Variants in KCNH8 observed in about 807,000 individuals in gnomAD.
KCNH8 encodes potassium voltage-gated channel subfamily H member 8, also known as voltage-gated delayed rectifier potassium channel KCNH8.
In KCNH8, 70 loss-of-function variants were observed where a neutral mutation model predicts 103.6. The observed-to-expected ratio is 0.68, with a 90% CI of 0.56 to 0.82. The LOEUF is 0.82. Ranked by LOEUF, KCNH8 falls within the 40% of genes least tolerant of loss-of-function variation. KCNH8 has a pLI of 0.00. For synonymous variants in KCNH8, 498 were observed against 489.4 expected (o/e 1.02, Z -0.23); for missense variants, 1,217 against 1,329.9 (o/e 0.92, Z 1.32).
intron 7 of KCNH8, among the ~76,000 whole-genome samples, chr3:19,396,082 T>C (rs1346149803): frequency 6.6e-6 from 1 of 152,040 alleles, no homozygotes; most frequent in East Asian, 1.9e-4. Flanking sequence ...CTTTAGAGAA[T>C]TGTCACAGTA....
intron 1 of KCNH8, among the ~76,000 whole-genome samples, chr3:19,251,527 G>A (rs1207608741): frequency 6.6e-6 from 1 of 151,974 alleles, no homozygotes; most frequent in Non-Finnish European, 1.5e-5. Flanking sequence ...TGTTCTGCCA[G>A]CCGATGGTGG....
intron 7 of KCNH8, among the ~76,000 whole-genome samples, chr3:19,414,044 A>G: frequency 6.6e-6 from 1 of 152,076 alleles, no homozygotes; most frequent in East Asian, 1.9e-4. Flanking sequence ...ACTTATTCTA[A>G]TGGGAAATCC....
At chr3:19,243,477 C>T (rs914567667) in intron 1 of KCNH8, among the ~76,000 whole-genome samples, 1 of 151,340 alleles carries the variant, frequency 6.6e-6, no homozygotes, top group Non-Finnish European at 1.5e-5. Flanking sequence ...TAAAGCTACT[C>T]ATCTTTCCTG....
At chr3:19,343,490 ATAATGT>A (rs2065688710) in intron 4 of KCNH8, among the ~76,000 whole-genome samples, 1 of 152,138 alleles carries the variant, frequency 6.6e-6, no homozygotes, top group African/African-American at 2.4e-5. Flanking sequence ...AAGTTTTAAG[ATAATGT>A]TAATGTCATT....
intron 5 of KCNH8, among the ~76,000 whole-genome samples, chr3:19,372,795 G>A (rs920675204): frequency 1.3e-3 from 205 of 152,112 alleles, no homozygotes; most frequent in Non-Finnish European, 1.7e-3. Flanking sequence ...CATCAATACC[G>A]AATTTATTGA....
chr3:19,303,584 CT>C (rs752182197), intron 3 of KCNH8, among the ~76,000 whole-genome samples: 4 of 152,120 alleles, frequency 2.6e-5, no homozygotes, highest in African/African-American at 4.8e-5. Flanking sequence ...ATTTACCCCC[CT>C]GATATGTGCA....
chr3:19,258,937 C>CTATA (rs2064384681), intron 2 of KCNH8, among the ~76,000 whole-genome samples: 14 of 80,048 alleles, frequency 1.7e-4, no homozygotes, highest in African/African-American at 6.2e-4. Flanking sequence ...CTCTCTCTCT[C>CTATA]TCTCTCTCTC....
chr3:19,284,508 G>GGTGTGTGT (rs66509260), intron 3 of KCNH8, among the ~76,000 whole-genome samples: 164 of 136,612 alleles, frequency 1.2e-3, no homozygotes, highest in Admixed American at 1.8e-3. Flanking sequence ...TGGATCTGCT[G>GGTGTGTGT]GTGTGTGTGT....
rs551617965 is a variant in KCNH8, at chr3:19,281,142, A to G, written c.311-56A>G. 70 of 1,566,460 alleles carry G rather than the reference A, an allele frequency of 4.5e-5. No homozygotes were observed. In the African/African-American group the frequency reaches 7.2e-4, roughly 16 times the overall value. ...TTTTTTATTGATGATTGAGATTTCCATAGAGATAACACAAGGCAATGGTTG... is the reference window on the plus strand; with the variant it reads ...TTTTTTATTGATGATTGAGATTTCCGTAGAGATAACACAAGGCAATGGTTG... On this transcript the variant is annotated intron_variant, in intron 2 of 15. Coordinates refer to ENST00000328405, the MANE Select transcript of KCNH8 (RefSeq NM_144633.3).
chr3:19,171,407 C>T (rs976180206), intron 1 of KCNH8, among the ~76,000 whole-genome samples: 1 of 152,046 alleles, frequency 6.6e-6, no homozygotes, highest in African/African-American at 2.4e-5. Context: ...CTATTTATTT[C>T]TCAGTGACTA....
rs373019829 is a variant in KCNH8, at chr3:19,288,679, C to T, written c.442+7350C>T. Among the ~76,000 whole-genome samples the T allele has an allele frequency of 3.3e-5, 5 of 152,060 alleles. No individual in the cohort carries two copies. The South Asian group carries it at 8.3e-4, about 25-fold the overall frequency. ...AAGTCTTTGCTATTGTGAATAGTGCCGCAATAAACATACGTGTACATGTGT... is the reference window on the plus strand; with the variant it reads ...AAGTCTTTGCTATTGTGAATAGTGCTGCAATAAACATACGTGTACATGTGT... On this transcript the variant is annotated intron_variant, in intron 3 of 15. Transcript: ENST00000328405.
intron 5 of KCNH8, among the ~76,000 whole-genome samples, chr3:19,380,989 C>A (rs2066280818): frequency 6.6e-6 from 1 of 152,138 alleles, no homozygotes; most frequent in Admixed American, 6.5e-5. Context: ...GAGCATAGTT[C>A]TGTTATTTCA....
chr3:19,203,188 T>G (rs539443685), intron 1 of KCNH8, among the ~76,000 whole-genome samples: 16 of 152,204 alleles, frequency 1.1e-4, no homozygotes, highest in African/African-American at 3.6e-4. Context: ...AAGACTTAAT[T>G]TGAAAGTTTA....
intron 3 of KCNH8, among the ~76,000 whole-genome samples, chr3:19,309,569 T>C (rs2065183408): frequency 6.6e-6 from 1 of 151,962 alleles, no homozygotes; most frequent in Non-Finnish European, 1.5e-5. Flanking sequence ...AGAGTGATAG[T>C]GTCTGATAAC....
intron 5 of KCNH8, among the ~76,000 whole-genome samples, chr3:19,358,227 TTC>T (rs1441723947): frequency 7.0e-5 from 10 of 142,012 alleles, no homozygotes; most frequent in African/African-American, 2.7e-4. Context: ...TTCCTTCTCT[TTC>T]TTTCTTTCAT....
At chr3:19,210,201 T>G (rs2063756500) in intron 1 of KCNH8, among the ~76,000 whole-genome samples, 1 of 152,134 alleles carries the variant, frequency 6.6e-6, no homozygotes, top group African/African-American at 2.4e-5. Flanking sequence ...AGTGAAGAGA[T>G]TTGCCATCAC....
At chr3:19,297,936 G>T (rs1292137485) in intron 3 of KCNH8, among the ~76,000 whole-genome samples, 1 of 152,154 alleles carries the variant, frequency 6.6e-6, no homozygotes, top group African/African-American at 2.4e-5. Context: ...GTAGATAGGG[G>T]TTTTATTAAT....
At chr3:19,267,021 C>T (rs7432144) in intron 2 of KCNH8, among the ~76,000 whole-genome samples, 2 of 151,984 alleles carry the variant, frequency 1.3e-5, no homozygotes, top group African/African-American at 4.8e-5. Context: ...CCGGGTTGTT[C>T]TAAGGCATTT....
intron 8 of KCNH8, among the ~76,000 whole-genome samples, chr3:19,445,057 A>C (rs1285566656): frequency 6.6e-6 from 1 of 151,962 alleles, no homozygotes; most frequent in Non-Finnish European, 1.5e-5. Flanking sequence ...TTTTGTAAGA[A>C]TCTCAAACTG....
Sources: gnomAD v4.1 joint callset for allele counts (sites outside exome capture counted in the v4.1 genomes callset) on GRCh38, gnomAD v4.1.1 for gene constraint, MANE v1.5 for transcripts, NCBI Gene and HGNC (gene_info 2026-07-23, HGNC 2026-07-21) for gene names.